The following MITF variants were observed in gnomAD, a reference collection of about 807,000 sequenced individuals.
MITF encodes the protein melanocyte inducing transcription factor.
A neutral mutation model predicts 60.5 loss-of-function variants in MITF; 17 were observed. That is an observed-to-expected ratio of 0.28 (90% CI 0.19 to 0.42). The LOEUF (loss-of-function observed/expected upper bound fraction) is 0.42, where lower values mean the gene tolerates loss of function less well. Among genes scored for constraint, MITF ranks in the 10% least tolerant of loss-of-function variants. MITF has a pLI of 1.00. For missense variants in MITF, 622 were observed against 683.5 expected (o/e 0.91, Z 1.00); for synonymous variants, 260 against 248.5 (o/e 1.05, Z -0.43).
At chr3:69,938,859 A>T (rs1229388784) in intron 3 of MITF, 1 of 1,429,964 alleles carries the variant, frequency 7.0e-7, no homozygotes, top group African/African-American at 1.4e-5. Context: ...TTCTAGAGGG[A>T]CTAAAATCTT....
intron 3 of MITF, 38 bp downstream of exon 3, chr3:69,938,087 C>G: frequency 6.3e-7 from 1 of 1,586,858 alleles, no homozygotes; most frequent in Non-Finnish European, 8.7e-7. Flanking sequence ...TTTTCTTATG[C>G]TAAATAACTT....
chr3:69,898,290 G>C (rs2064922216), intron 2 of MITF, among the ~76,000 whole-genome samples: 1 of 152,350 alleles, frequency 6.6e-6, no homozygotes, highest in African/African-American at 2.4e-5. Context: ...ATGTGCAAAG[G>C]ACCTGTGTCA....
intron 1 of MITF, among the ~76,000 whole-genome samples, chr3:69,776,618 G>T (rs890846032): frequency 6.6e-6 from 1 of 152,180 alleles, no homozygotes; most frequent in Non-Finnish European, 1.5e-5. Context: ...TCTGGGTCTT[G>T]CAGACAGTTA....
rs561677056 is a variant in MITF at position 69,964,333 on chromosome 3, A to G, written c.1180-514A>G. ...TGAACATTAATATCTGTGAGAGACC[A>G]TCTCTATTTTTCATACATAATCAAA... On this transcript the variant is annotated intron_variant, in intron 9 of 9. Transcript: ENST00000352241. Among the ~76,000 whole-genome samples the G allele has an allele frequency of 1.5e-5, 2 of 137,218 alleles. 1 individual carries two copies. The highest frequency in any genetic ancestry group is 4.7e-4 in the South Asian group (2 of 4,216). The allele number at this position is 137,218 out of a possible 152,430, so 90.0% of individuals were successfully genotyped here.
rs1238135509 is a variant in MITF, at chr3:69,964,840, A to T, written c.1180-7A>T. 1.2e-6 allele frequency: 2 copies of T among 1,613,884 alleles called. No homozygotes were observed. Among genetic ancestry groups the T allele is most frequent in the Non-Finnish European group, 1.7e-6 (2 of 1,179,870 alleles). ...ATTTCAGTGTTTTATCTTTACTCTT[A>T]TTATAGGAACTTGAAATGCAGGCTC... On this transcript the variant is annotated splice_polypyrimidine_tract_variant and splice_region_variant and intron_variant, in intron 9 of 9. Transcript: ENST00000352241.
Position 69,843,189 on chromosome 3 carries a change from G to A in MITF, c.105-35945G>A, listed in dbSNP as rs79288078. On this transcript the variant is annotated intron_variant, in intron 1 of 9. Transcript: ENST00000352241. Reference sequence around the variant, plus strand: ...AAAACCAATATCTATGGATTACAGTGTGAAGAACAGATGTTCATTTGTTTC... The same window carrying A: ...AAAACCAATATCTATGGATTACAGTATGAAGAACAGATGTTCATTTGTTTC... Among the ~76,000 whole-genome samples, 194 of 152,282 alleles carry A rather than the reference G, an allele frequency of 1.3e-3. 4 individuals carry two copies. In the East Asian group the frequency reaches 0.022, roughly 18 times the overall value.
chr3:69,856,222 A>G (rs2063916014), intron 1 of MITF, among the ~76,000 whole-genome samples: 2 of 152,098 alleles, frequency 1.3e-5, no homozygotes. Flanking sequence ...ATGTTTCCTA[A>G]ATTTTAGCTA....
intron 2 of MITF, among the ~76,000 whole-genome samples, chr3:69,917,524 G>T (rs538110615): frequency 6.6e-6 from 1 of 151,772 alleles, no homozygotes; most frequent in South Asian, 2.1e-4. Flanking sequence ...AAAAGCATAG[G>T]GTTTTTCAGC....
chr3:69,939,465 T>G (rs1280587632), intron 4 of MITF, among the ~76,000 whole-genome samples: 1 of 152,132 alleles, frequency 6.6e-6, no homozygotes, highest in African/African-American at 2.4e-5. Flanking sequence ...TACTTTAACA[T>G]AATCCATATA....
intron 4 of MITF, among the ~76,000 whole-genome samples, chr3:69,940,983 C>G (rs925745228): frequency 1.3e-5 from 2 of 152,134 alleles, no homozygotes; most frequent in Non-Finnish European, 2.9e-5. Context: ...ATCCTCGAAC[C>G]CAATGCTTGG....
chr3:69,796,600 G>A (rs1370856764), intron 1 of MITF, among the ~76,000 whole-genome samples: 1 of 143,092 alleles, frequency 7.0e-6, no homozygotes, highest in Non-Finnish European at 1.5e-5. Context: ...TCCGCTTCCC[G>A]GGTTCACGCC....
chr3:69,908,949 A>T (rs566599407), intron 2 of MITF, among the ~76,000 whole-genome samples: 1 of 152,214 alleles, frequency 6.6e-6, no homozygotes, highest in African/African-American at 2.4e-5. Context: ...AATATCTTTG[A>T]TGCTTATAGT....
intron 1 of MITF, among the ~76,000 whole-genome samples, chr3:69,804,805 T>C (rs1309436491): frequency 1.3e-5 from 2 of 152,220 alleles, no homozygotes; most frequent in African/African-American, 2.4e-5. Flanking sequence ...GAGTTGGCTG[T>C]CTTGTGGAAG....
At chr3:69,787,042 C>T (rs1258840063) in intron 1 of MITF, among the ~76,000 whole-genome samples, 1 of 152,120 alleles carries the variant, frequency 6.6e-6, no homozygotes, top group Non-Finnish European at 1.5e-5. Flanking sequence ...GCCAAATACT[C>T]CTGGGGCTGC....
rs529311593 is a variant in MITF, at chr3:69,816,169, C to A, written c.105-62965C>A. Among the ~76,000 whole-genome samples, 5 of 152,302 alleles carry A rather than the reference C, an allele frequency of 3.3e-5. No homozygotes were observed. In the East Asian group the frequency reaches 9.7e-4, roughly 29 times the overall value. On this transcript the variant is annotated intron_variant, in intron 1 of 9. Transcript: ENST00000352241. ...CAGGACAGTGACATCTCACCCTCTGCATATACACATTACTATTCAGCCAAA... is the reference window on the plus strand; with the variant it reads ...CAGGACAGTGACATCTCACCCTCTGAATATACACATTACTATTCAGCCAAA...
At chr3:69,776,845 C>T (rs1199121645) in intron 1 of MITF, among the ~76,000 whole-genome samples, 1 of 152,202 alleles carries the variant, frequency 6.6e-6, no homozygotes, top group East Asian at 1.9e-4. Flanking sequence ...ACTACCATTA[C>T]TATGATTATT....
intron 6 of MITF, 57 bp from the exon 7 acceptor site, chr3:69,951,755 A>T (rs1037777072): frequency 3.6e-5 from 47 of 1,291,144 alleles, no homozygotes; most frequent in Non-Finnish European, 5.1e-5. Flanking sequence ...TTTGTAGTTT[A>T]CATTTTGTGC....
chr3:69,873,486 T>A (rs540813631), intron 1 of MITF, among the ~76,000 whole-genome samples: 1 of 152,228 alleles, frequency 6.6e-6, no homozygotes, highest in Non-Finnish European at 1.5e-5. Context: ...AGATTCAACC[T>A]ATCAGTTCCT....
chr3:69,828,282 A>G (rs1453605057), intron 1 of MITF, among the ~76,000 whole-genome samples: 1 of 152,222 alleles, frequency 6.6e-6, no homozygotes, highest in Non-Finnish European at 1.5e-5. Context: ...ATGAAGAATA[A>G]TTTAAGAAGA....
Sources: gnomAD v4.1 joint callset for allele counts (sites outside exome capture counted in the v4.1 genomes callset) on GRCh38, gnomAD v4.1.1 for gene constraint, MANE v1.5 for transcripts, NCBI Gene and HGNC (gene_info 2026-07-23, HGNC 2026-07-21) for gene names.